Variants in FAM228B observed in about 807,000 individuals in gnomAD.
FAM228B encodes protein FAM228B.
A neutral mutation model predicts 42.6 loss-of-function variants in FAM228B; 38 were observed. The ratio of observed to expected loss-of-function variants is 0.89; its 90% CI spans 0.69 to 1.17. The LOEUF is 1.17. Among genes scored for constraint, FAM228B ranks in the 50% most tolerant of loss-of-function variants. The probability of loss-of-function intolerance (pLI) is 0.00; values close to 1 mark genes in which losing one functional copy is unlikely to be tolerated. For synonymous variants in FAM228B, 109 were observed against 122.3 expected (o/e 0.89, Z 0.72); for missense variants, 344 against 367.3 (o/e 0.94, Z 0.52).
chr2:24,118,526 C>A (rs1665994495), upstream of FAM228B, among the ~76,000 whole-genome samples: 1 of 152,170 alleles, frequency 6.6e-6, no homozygotes, highest in Admixed American at 6.5e-5. Context: ...TAAGACAAGA[C>A]AAATGCCTTC....
rs1367677861 is a variant in FAM228B at position 24,161,606 on chromosome 2, A to AT, written c.790dup (p.Tyr264LeufsTer21). Reference sequence around the variant, plus strand: ...ATCCCAGGAAGAAGAAAAAACAGTTATTTACAAGTAAGTCTGTTCTTCCAT... The same window carrying AT: ...ATCCCAGGAAGAAGAAAAAACAGTTATTTTACAAGTAAGTCTGTTCTTCCAT... On this transcript the variant is annotated frameshift_variant, in exon 8 of 11. Coordinates refer to ENST00000615575, the MANE Select transcript of FAM228B (RefSeq NM_001145710.2). LOFTEE classifies it high-confidence loss of function. 6.6e-7 allele frequency: 1 copy of AT among 1,519,114 alleles called. No homozygotes were observed. Among genetic ancestry groups the AT allele is most frequent in the Admixed American group, 2.0e-5 (1 of 50,876 alleles). The allele number at this position is 1,519,114 out of a possible 1,614,324, so 94.1% of individuals were successfully genotyped here. A position where few individuals can be genotyped will look rare whatever the true frequency, so the allele number is the denominator to read the frequency against.
chr2:24,165,223 C>T (rs552198989), intron 9 of FAM228B: 18 of 297,184 alleles, frequency 6.1e-5, no homozygotes, highest in African/African-American at 3.9e-4. Context: ...GAAGAGCTGG[C>T]ACCGATGTCT....
chr2:24,139,218 A>C (rs1474530187), intron 4 of FAM228B, among the ~76,000 whole-genome samples, 152 bp from the exon 5 acceptor site: 1 of 152,198 alleles, frequency 6.6e-6, no homozygotes, highest in African/African-American at 2.4e-5. Context: ...AATTAAATTT[A>C]AAATGTAGCC....
chr2:24,155,896 A>G (rs1196614234), intron 7 of FAM228B, among the ~76,000 whole-genome samples: 1 of 152,136 alleles, frequency 6.6e-6, no homozygotes, highest in African/African-American at 2.4e-5. Context: ...CTATAGAGGA[A>G]CAGCTTCTCT....
chr2:24,099,471 G>A (rs12713192), intron 3 of FAM228B, among the ~76,000 whole-genome samples: 18,104 of 151,838 alleles, frequency 0.12, 1,262 homozygotes, highest in South Asian at 0.18. Flanking sequence ...ATTCCTATAC[G>A]CCATTAACAG....
intron 7 of FAM228B, among the ~76,000 whole-genome samples, 192 bp from the exon 8 acceptor site, chr2:24,161,314 G>T (rs956717544): frequency 2.0e-5 from 3 of 152,216 alleles, no homozygotes; most frequent in African/African-American, 2.4e-5. Flanking sequence ...TGGCATGGTG[G>T]TGCATGCCTG....
intron 10 of FAM228B, among the ~76,000 whole-genome samples, chr2:24,168,477 G>A (rs1667482929): frequency 6.6e-6 from 1 of 152,198 alleles, no homozygotes; most frequent in Non-Finnish European, 1.5e-5. Context: ...GAGGTAAAAT[G>A]AGGACTGGGG....
chr2:24,107,846 A>G (rs900396792), intron 3 of FAM228B, among the ~76,000 whole-genome samples: 2 of 152,218 alleles, frequency 1.3e-5, no homozygotes, highest in Non-Finnish European at 2.9e-5. Flanking sequence ...TTAACAACCT[A>G]ATATTACAAC....
intron 3 of FAM228B, among the ~76,000 whole-genome samples, chr2:24,113,976 C>T (rs955788480): frequency 6.6e-6 from 1 of 151,932 alleles, no homozygotes; most frequent in African/African-American, 2.4e-5. Context: ...AAAACTAAAA[C>T]AAAAACAAAA....
At chr2:24,141,138 C>A (rs1242008254) in intron 5 of FAM228B, among the ~76,000 whole-genome samples, 1 of 151,504 alleles carries the variant, frequency 6.6e-6, no homozygotes, top group Non-Finnish European at 1.5e-5. Flanking sequence ...TGCAATGGCA[C>A]GATCTCGGCT....
intron 7 of FAM228B, among the ~76,000 whole-genome samples, chr2:24,159,662 T>C (rs1247819007): frequency 6.6e-6 from 1 of 152,168 alleles, no homozygotes; most frequent in East Asian, 1.9e-4. Flanking sequence ...GAGGAAGGAA[T>C]CCATATGCAT....
upstream of FAM228B, chr2:24,121,151 T>C (rs999139839): frequency 1.9e-6 from 3 of 1,613,872 alleles, no homozygotes; most frequent in African/African-American, 2.7e-5. Context: ...TCTTCAAATC[T>C]TGAGCACTCA....
intron 7 of FAM228B, among the ~76,000 whole-genome samples, chr2:24,153,458 T>A (rs1667066651): frequency 6.6e-6 from 1 of 152,212 alleles, no homozygotes; most frequent in Non-Finnish European, 1.5e-5. Context: ...AGATTCCCTT[T>A]TGGCCCAGAA....
At chr2:24,141,693 A>T (rs1444511230) in intron 5 of FAM228B, among the ~76,000 whole-genome samples, 1 of 152,200 alleles carries the variant, frequency 6.6e-6, no homozygotes. Flanking sequence ...ACTAGTTTTT[A>T]AAATGGTATT....
chr2:24,113,893 A>G (rs1021177277), intron 3 of FAM228B, among the ~76,000 whole-genome samples: 1 of 152,124 alleles, frequency 6.6e-6, no homozygotes, highest in Non-Finnish European at 1.5e-5. Flanking sequence ...AAACAACAAC[A>G]ACAAAACCCC....
upstream of FAM228B, among the ~76,000 whole-genome samples, chr2:24,118,590 G>T (rs1486059149): frequency 6.6e-6 from 1 of 152,166 alleles, no homozygotes; most frequent in Non-Finnish European, 1.5e-5. Flanking sequence ...AATCATAAAG[G>T]TATGCATAAA....
Position 24,146,939 on chromosome 2 carries a change from A to C in FAM228B, c.539A>C (p.Tyr180Ser). The change falls in exon 7 of 11, where the codon TAT (tyrosine) becomes TCT (serine). Residue 180 changes from tyrosine to serine, a missense_variant. Tyr to Ser is a moderately radical substitution (Grantham distance 144). Coordinates refer to ENST00000615575, the MANE Select transcript of FAM228B (RefSeq NM_001145710.2). Reference sequence around the variant, plus strand: ...TTTATTCTTCCTTCAGGCAAAATATATTCAATAAAGGAATTCAAAGAAGTT... The same window carrying C: ...TTTATTCTTCCTTCAGGCAAAATATCTTCAATAAAGGAATTCAAAGAAGTT... ...TLLQCETGKI[Y>S]SIKEFKEVEK... The C allele has an allele frequency of 6.4e-7, 1 of 1,551,086 alleles. No individual in the cohort carries two copies.
At chr2:24,118,910 A>T (rs1001622513), upstream of FAM228B, among the ~76,000 whole-genome samples, 1 of 152,182 alleles carries the variant, frequency 6.6e-6, no homozygotes, top group Non-Finnish European at 1.5e-5. Flanking sequence ...AACTCCAGTA[A>T]ACTTTTTAAA....
chr2:24,082,931 G>A (rs1461715782), intron 2 of FAM228B: 1 of 1,613,280 alleles, frequency 6.2e-7, no homozygotes, highest in Non-Finnish European at 8.5e-7. Flanking sequence ...CCTCTGGGAT[G>A]GCTGCAGCCT....
Sources: gnomAD v4.1 joint callset for allele counts (sites outside exome capture counted in the v4.1 genomes callset) on GRCh38, gnomAD v4.1.1 for gene constraint, MANE v1.5 for transcripts, NCBI Gene and HGNC (gene_info 2026-07-23, HGNC 2026-07-21) for gene names.